HTR7: variants seen among roughly 807,000 people sequenced by gnomAD.
HTR7 encodes the protein 5-HT-7.
HTR7 carries 16 observed loss-of-function variants against 34.0 expected under a neutral mutation model. The observed-to-expected ratio is 0.47, with a 90% CI of 0.32 to 0.71. The LOEUF (loss-of-function observed/expected upper bound fraction) is 0.71, where lower values mean the gene tolerates loss of function less well. HTR7 is among the 30% of genes least tolerant of loss of function. The pLI, the probability that HTR7 is intolerant of heterozygous loss-of-function variation, is 0.04. For synonymous variants in HTR7, 265 were observed against 260.2 expected, an observed-to-expected ratio of 1.02 and a Z score of -0.18; for missense variants, 504 against 625.5, an observed-to-expected ratio of 0.81 and a Z score of 2.07.
chr10:90,774,462 C>A (rs536970827), intron 1 of HTR7, among the ~76,000 whole-genome samples: 1 of 152,162 alleles, frequency 6.6e-6, no homozygotes, highest in Admixed American at 6.5e-5. Flanking sequence ...CTTATTATGA[C>A]TTCTGCAGTT....
intron 1 of HTR7, among the ~76,000 whole-genome samples, chr10:90,767,825 A>G (rs1845046971): frequency 6.6e-6 from 1 of 151,872 alleles, no homozygotes; most frequent in African/African-American, 2.4e-5. Flanking sequence ...CAGACTTCTT[A>G]TGTATCAGCT....
At chr10:90,801,013 T>G (rs768281840) in intron 1 of HTR7, among the ~76,000 whole-genome samples, 1 of 152,196 alleles carries the variant, frequency 6.6e-6, no homozygotes, top group Non-Finnish European at 1.5e-5. Context: ...ATTGTGCACA[T>G]CACCAATGCT....
chr10:90,835,489 T>C (rs1162118368), intron 1 of HTR7, among the ~76,000 whole-genome samples: 2 of 152,216 alleles, frequency 1.3e-5, no homozygotes, highest in African/African-American at 2.4e-5. Flanking sequence ...GTGCAGCTTC[T>C]ATGTCTCTCT....
chr10:90,822,053 T>C (rs1021338777), intron 1 of HTR7, among the ~76,000 whole-genome samples: 1 of 152,034 alleles, frequency 6.6e-6, no homozygotes, highest in African/African-American at 2.4e-5. Context: ...AACTAATACA[T>C]AAAATTGGTA....
chr10:90,823,616 G>T (rs921762959), intron 1 of HTR7, among the ~76,000 whole-genome samples: 14 of 152,186 alleles, frequency 9.2e-5, no homozygotes, highest in African/African-American at 3.4e-4. Context: ...TGTTGGGAAG[G>T]CATGATTGTT....
intron 1 of HTR7, among the ~76,000 whole-genome samples, chr10:90,794,595 G>T (rs1300725506): frequency 6.6e-6 from 1 of 152,132 alleles, no homozygotes; most frequent in Non-Finnish European, 1.5e-5. Context: ...CTGGGCTCAA[G>T]AATCAAGCAA....
intron 1 of HTR7, among the ~76,000 whole-genome samples, chr10:90,777,254 G>T (rs10881831): frequency 7.2e-5 from 11 of 152,034 alleles, no homozygotes; most frequent in Middle Eastern, 6.8e-3. Flanking sequence ...AGGCTGAGGC[G>T]GGTGGATCAC....
intron 1 of HTR7, among the ~76,000 whole-genome samples, chr10:90,752,715 G>A (rs1844760128): frequency 6.6e-6 from 1 of 151,768 alleles, no homozygotes; most frequent in Admixed American, 6.6e-5. Flanking sequence ...AATATATAAG[G>A]GAATTCAATA....
rs143781143 is a variant in HTR7, at chr10:90,820,930, G to A, written c.539+36203C>T. Among the ~76,000 whole-genome samples, 3 of 152,270 alleles carry A rather than the reference G, an allele frequency of 2.0e-5. No individual in the cohort carries two copies. In the East Asian group the frequency reaches 5.8e-4, roughly 29 times the overall value. On this transcript the variant is annotated intron_variant, in intron 1 of 3. Coordinates refer to ENST00000336152, the MANE Select transcript of HTR7 (RefSeq NM_019859.4). ...AAACTTAACCATCAAAAAACCCTAT[G>A]AGGAAGGTATTATCAACCCAGTTTT...
At chr10:90,771,816 A>G (rs1232265812) in intron 1 of HTR7, among the ~76,000 whole-genome samples, 1 of 152,208 alleles carries the variant, frequency 6.6e-6, no homozygotes, top group Non-Finnish European at 1.5e-5. Flanking sequence ...GAACAAGAAC[A>G]GCAGCCCCAA....
intron 1 of HTR7, among the ~76,000 whole-genome samples, chr10:90,764,256 C>T (rs1178550134): frequency 6.6e-6 from 1 of 152,158 alleles, no homozygotes; most frequent in Non-Finnish European, 1.5e-5. Flanking sequence ...ATAATGTCTT[C>T]TTTTGAGAAG....
intron 1 of HTR7, among the ~76,000 whole-genome samples, chr10:90,833,206 T>TCCTAC (rs1489575352): frequency 6.6e-6 from 1 of 152,310 alleles, no homozygotes; most frequent in Non-Finnish European, 1.5e-5. Context: ...CAGCCCCTAC[T>TCCTAC]CCACCACTGT....
intron 1 of HTR7, among the ~76,000 whole-genome samples, chr10:90,833,718 A>T (rs975406308): frequency 6.6e-6 from 1 of 152,196 alleles, no homozygotes; most frequent in Admixed American, 6.5e-5. Flanking sequence ...ATAATCATGG[A>T]TTTTAGTGAA....
chr10:90,761,630 A>ATGTG (rs1308585033), intron 1 of HTR7, among the ~76,000 whole-genome samples: 1 of 105,150 alleles, frequency 9.5e-6, no homozygotes, highest in Admixed American at 9.1e-5. Context: ...TTTTGTGTGT[A>ATGTG]TGCGTGTGTG....
chr10:90,754,273 C>A (rs7900386), intron 1 of HTR7, among the ~76,000 whole-genome samples: 93,433 of 151,806 alleles, frequency 0.62, 30,436 homozygotes, highest in African/African-American at 0.85. Context: ...ACTCATTGGC[C>A]TTTAAAATCC....
intron 1 of HTR7, among the ~76,000 whole-genome samples, chr10:90,762,648 A>G (rs1351597313): frequency 6.6e-6 from 1 of 151,946 alleles, no homozygotes; most frequent in African/African-American, 2.4e-5. Context: ...ATGTAGTCCC[A>G]TTTGTTTATT....
At chr10:90,774,737 T>C (rs1248325261) in intron 1 of HTR7, among the ~76,000 whole-genome samples, 2 of 152,192 alleles carry the variant, frequency 1.3e-5, no homozygotes, top group Non-Finnish European at 2.9e-5. Context: ...GACCACAATA[T>C]GGCTGCTGCA....
chr10:90,833,789 G>T (rs1285182024), intron 1 of HTR7, among the ~76,000 whole-genome samples: 1 of 152,110 alleles, frequency 6.6e-6, no homozygotes, highest in African/African-American at 2.4e-5. Context: ...TCATTGGGAA[G>T]ATTGTTCATT....
At chr10:90,832,582 G>A (rs1846195345) in intron 1 of HTR7, among the ~76,000 whole-genome samples, 1 of 152,170 alleles carries the variant, frequency 6.6e-6, no homozygotes, top group South Asian at 2.1e-4. Context: ...CACAAGCTGA[G>A]GGAGCTGGCT....
Sources: allele counts gnomAD v4.1 joint callset (sites outside exome capture counted in the v4.1 genomes callset), GRCh38; gene constraint gnomAD v4.1.1; transcripts MANE v1.5; gene names NCBI Gene and HGNC (gene_info 2026-07-23, HGNC 2026-07-21).